The following CALCR variants were observed in gnomAD, a reference collection of about 807,000 sequenced individuals.
CALCR encodes the protein calcitonin receptor.
A neutral mutation model predicts 59.5 loss-of-function variants in CALCR; 47 were observed. The ratio of observed to expected loss-of-function variants is 0.79; its 90% CI spans 0.63 to 1.01. The LOEUF (loss-of-function observed/expected upper bound fraction) is 1.01, where lower values mean the gene tolerates loss of function less well. Ranked by LOEUF, CALCR falls within the 50% of genes least tolerant of loss-of-function variation. The pLI is 0.00. For missense variants in CALCR, 566 were observed against 597.1 expected, an observed-to-expected ratio of 0.95 and a Z score of 0.54; for synonymous variants, 213 against 211.3, an observed-to-expected ratio of 1.01 and a Z score of -0.07.
intron 5 of CALCR, among the ~76,000 whole-genome samples, chr7:93,476,218 GT>G (rs1800663356): frequency 6.6e-6 from 1 of 151,688 alleles, no homozygotes; most frequent in African/African-American, 2.4e-5. Flanking sequence ...ATGCTTCCTT[GT>G]TAAATTTTGC....
chr7:93,549,117 T>C (rs944975094), intron 2 of CALCR, among the ~76,000 whole-genome samples: 7 of 152,146 alleles, frequency 4.6e-5, no homozygotes, highest in African/African-American at 1.7e-4. Flanking sequence ...CTGCCAATTA[T>C]TCAATGAAGG....
chr7:93,555,184 C>T (rs1257505692), intron 2 of CALCR, among the ~76,000 whole-genome samples: 1 of 152,004 alleles, frequency 6.6e-6, no homozygotes, highest in Admixed American at 6.6e-5. Flanking sequence ...GCATACTACT[C>T]ATGTGTCAGT....
At chr7:93,473,612 T>A (rs560401581) in intron 5 of CALCR, among the ~76,000 whole-genome samples, 1 of 136,020 alleles carries the variant, frequency 7.4e-6, no homozygotes, top group Non-Finnish European at 1.6e-5. Flanking sequence ...TTTTTTGAAA[T>A]TGATGCTTAG....
At chr7:93,488,592 A>C in intron 2 of CALCR, among the ~76,000 whole-genome samples, 1 of 147,836 alleles carries the variant, frequency 6.8e-6, no homozygotes, top group Non-Finnish European at 1.5e-5. Flanking sequence ...GAAAAAAAAA[A>C]AAAAAAAAAG....
intron 2 of CALCR, among the ~76,000 whole-genome samples, chr7:93,503,490 AC>A (rs1801365054): frequency 6.6e-6 from 1 of 152,144 alleles, no homozygotes; most frequent in South Asian, 2.1e-4. Context: ...CAAAGATGGT[AC>A]TAGAACCTCT....
chr7:93,566,008 A>G (rs1355650251), intron 2 of CALCR, among the ~76,000 whole-genome samples: 1 of 152,166 alleles, frequency 6.6e-6, no homozygotes, highest in African/African-American at 2.4e-5. Flanking sequence ...CATTGACTTT[A>G]TGAACACCTC....
intron 8 of CALCR, among the ~76,000 whole-genome samples, chr7:93,449,331 G>A (rs557188697): frequency 6.6e-6 from 1 of 152,038 alleles, no homozygotes; most frequent in East Asian, 1.9e-4. Flanking sequence ...TGAAGGAAAA[G>A]ACATTTTAAG....
intron 2 of CALCR, among the ~76,000 whole-genome samples, chr7:93,572,218 T>G (rs1034014218): frequency 6.6e-6 from 1 of 152,174 alleles, no homozygotes; most frequent in Non-Finnish European, 1.5e-5. Flanking sequence ...TATACATATA[T>G]GTTTCTTTTT....
At chr7:93,521,889 T>G (rs1470995715) in intron 2 of CALCR, among the ~76,000 whole-genome samples, 1 of 152,184 alleles carries the variant, frequency 6.6e-6, no homozygotes, top group East Asian at 1.9e-4. Flanking sequence ...TGCTAACTTT[T>G]GTTATGTGGT....
At chr7:93,572,186 GTTATACATATATATGTATGT>G (rs1375915476) in intron 2 of CALCR, among the ~76,000 whole-genome samples, 2 of 151,824 alleles carry the variant, frequency 1.3e-5, no homozygotes, top group African/African-American at 4.8e-5. Context: ...GTAAGATCAA[GTTATACATATATATGTATGT>G]TTATACATAT....
intron 2 of CALCR, among the ~76,000 whole-genome samples, chr7:93,488,436 GC>G (rs1800996225): frequency 6.6e-6 from 1 of 151,390 alleles, no homozygotes; most frequent in Admixed American, 6.6e-5. Context: ...TGGGCTAAAT[GC>G]CCCAATTAAA....
intron 2 of CALCR, among the ~76,000 whole-genome samples, chr7:93,522,616 C>G (rs895242000): frequency 6.6e-6 from 1 of 152,086 alleles, no homozygotes; most frequent in Non-Finnish European, 1.5e-5. Context: ...CTACAATTTC[C>G]TTCAAATCTT....
chr7:93,492,972 C>T (rs1801117864), intron 2 of CALCR, among the ~76,000 whole-genome samples: 1 of 151,162 alleles, frequency 6.6e-6, no homozygotes, highest in Admixed American at 6.6e-5. Flanking sequence ...CATAAAGCCT[C>T]TTAGGAAGTG....
intron 3 of CALCR, chr7:93,482,920 T>C: frequency 1.9e-6 from 1 of 518,814 alleles, no homozygotes; most frequent in South Asian, 1.5e-5. Flanking sequence ...CTGGTTCATA[T>C]TTGAGCACTG....
intron 2 of CALCR, among the ~76,000 whole-genome samples, chr7:93,551,669 C>G (rs756929488): frequency 6.6e-6 from 1 of 152,126 alleles, no homozygotes; most frequent in Non-Finnish European, 1.5e-5. Flanking sequence ...AAGAACCACC[C>G]TTTGTGGGGA....
At chr7:93,565,902 T>C (rs1283499281) in intron 2 of CALCR, among the ~76,000 whole-genome samples, 1 of 152,226 alleles carries the variant, frequency 6.6e-6, no homozygotes, top group African/African-American at 2.4e-5. Flanking sequence ...CAAATAATTA[T>C]GCTGGAAGTT....
At chr7:93,480,306 T>C (rs2115894144) in intron 3 of CALCR, among the ~76,000 whole-genome samples, 1 of 152,062 alleles carries the variant, frequency 6.6e-6, no homozygotes, top group South Asian at 2.1e-4. Context: ...TTCAATTTCT[T>C]TTGTGGCTAT....
chr7:93,542,085 T>C (rs1789158321), intron 2 of CALCR, among the ~76,000 whole-genome samples: 1 of 152,214 alleles, frequency 6.6e-6, no homozygotes, highest in Non-Finnish European at 1.5e-5. Flanking sequence ...TCAGTCTGTT[T>C]TTCTATGAAT....
intron 11 of CALCR, among the ~76,000 whole-genome samples, chr7:93,436,729 T>C (rs1291387097): frequency 2.0e-5 from 3 of 152,184 alleles, no homozygotes; most frequent in Non-Finnish European, 4.4e-5. Context: ...ATAATGTGTC[T>C]TTTTGGGGGG....
Sources: gnomAD v4.1 joint callset for allele counts (sites outside exome capture counted in the v4.1 genomes callset) on GRCh38, gnomAD v4.1.1 for gene constraint, MANE v1.5 for transcripts, NCBI Gene and HGNC (gene_info 2026-07-23, HGNC 2026-07-21) for gene names.